RUNX1T1: variants seen among roughly 807,000 people sequenced by gnomAD.
RUNX1T1 encodes protein CBFA2T1.
RUNX1T1 carries 4 observed loss-of-function variants against 62.8 expected under a neutral mutation model. The ratio of observed to expected loss-of-function variants is 0.06; its 90% CI spans 0.03 to 0.15. The LOEUF is 0.15. Among genes scored for constraint, RUNX1T1 ranks in the 10% least tolerant of loss-of-function variants. The pLI is 1.00. For synonymous variants in RUNX1T1, 291 were observed against 286.0 expected, an observed-to-expected ratio of 1.02 and a Z score of -0.18; for missense variants, 508 against 754.3, an observed-to-expected ratio of 0.67 and a Z score of 3.82.
intron 5 of RUNX1T1, among the ~76,000 whole-genome samples, chr8:92,002,378 G>C (rs1819928006): frequency 6.6e-6 from 1 of 151,832 alleles, no homozygotes; most frequent in Non-Finnish European, 1.5e-5. Context: ...CTTCCCTAGA[G>C]TACTCATTTC....
At chr8:92,102,934 C>G (rs1838108842), upstream of RUNX1T1, 1 of 1,505,598 alleles carries the variant, frequency 6.6e-7, no homozygotes, top group East Asian at 2.7e-5. This position sits in a 1 kb window ranked among gnomAD's most constrained non-coding sequence, Gnocchi z 4.5. Context: ...TCTCGGCCGG[C>G]CCGCGGGGCG....
intron 1 of RUNX1T1, among the ~76,000 whole-genome samples, chr8:92,022,686 T>C (rs1214804143): frequency 1.3e-5 from 2 of 152,144 alleles, no homozygotes; most frequent in Non-Finnish European, 2.9e-5. Flanking sequence ...TTTCCCAGCC[T>C]CCAGAAGTAT....
chr8:91,967,038 A>T (rs1811780980), intron 10 of RUNX1T1, among the ~76,000 whole-genome samples: 1 of 152,226 alleles, frequency 6.6e-6, no homozygotes, highest in Admixed American at 6.5e-5. Context: ...TGACCATGAG[A>T]CACTGAGCAA....
intron 5 of RUNX1T1, among the ~76,000 whole-genome samples, chr8:91,999,286 A>G (rs1819310310): frequency 6.6e-6 from 1 of 152,196 alleles, no homozygotes; most frequent in African/African-American, 2.4e-5. Context: ...ATAAGGACAG[A>G]GGTTTTGGAG....
intron 1 of RUNX1T1, among the ~76,000 whole-genome samples, chr8:92,078,557 T>C (rs553686563): frequency 6.6e-6 from 1 of 152,246 alleles, no homozygotes; most frequent in African/African-American, 2.4e-5. Flanking sequence ...ACAAGTGTTA[T>C]TTAAAAGGCT....
intron 4 of RUNX1T1, chr8:92,010,095 T>C (rs1821638712): frequency 6.6e-6 from 1 of 152,156 alleles, no homozygotes; most frequent in Admixed American, 6.5e-5. Context: ...ATCTGATCAG[T>C]TATATTTCTG....
chr8:92,079,813 G>A (rs1195641710), intron 1 of RUNX1T1, among the ~76,000 whole-genome samples: 1 of 152,080 alleles, frequency 6.6e-6, no homozygotes, highest in Non-Finnish European at 1.5e-5. Context: ...TAAACTCCCT[G>A]ATGGAACACT....
chr8:91,961,066 CTA>C (rs1201325643), intron 10 of RUNX1T1, among the ~76,000 whole-genome samples: 3 of 152,208 alleles, frequency 2.0e-5, no homozygotes, highest in Non-Finnish European at 4.4e-5. Flanking sequence ...TTTAACCTCT[CTA>C]TGTCTTTAGT....
chr8:92,059,116 A>G (rs1831496988), intron 1 of RUNX1T1, among the ~76,000 whole-genome samples: 1 of 152,198 alleles, frequency 6.6e-6, no homozygotes. Context: ...TTTCTGCTAC[A>G]AAAAAGTAAT....
intron 1 of RUNX1T1, among the ~76,000 whole-genome samples, chr8:92,045,810 A>G (rs564507102): frequency 6.6e-6 from 1 of 152,312 alleles, no homozygotes; most frequent in South Asian, 2.1e-4. Flanking sequence ...AGTCGTTCCC[A>G]GAATCAGTAC....
rs527488285 is a variant in RUNX1T1, at chr8:92,095,462, G to C, written c.-86+4118C>G. On this transcript the variant is annotated intron_variant, in intron 1 of 11. Transcript: ENST00000265814. ...CAGAAGTAAAAGCCTTGTCAGGATG[G>C]CACATTGTGTGTGAGTGAGTGTGTG... 10 of 1,534,732 alleles carry C rather than the reference G, an allele frequency of 6.5e-6. No homozygotes were observed. In the African/African-American group the frequency reaches 1.1e-4, roughly 17 times the overall value.
intron 5 of RUNX1T1, among the ~76,000 whole-genome samples, chr8:91,995,497 T>C (rs560031176): frequency 6.6e-6 from 1 of 152,158 alleles, no homozygotes; most frequent in Non-Finnish European, 1.5e-5. Flanking sequence ...TTGTGAAACA[T>C]TAACACTTGC....
chr8:91,990,759 G>A (rs1377876972), intron 6 of RUNX1T1, among the ~76,000 whole-genome samples: 1 of 151,772 alleles, frequency 6.6e-6, no homozygotes, highest in East Asian at 1.9e-4. Flanking sequence ...CTGGGCTCAA[G>A]CGATCCTCCT....
intron 4 of RUNX1T1, chr8:92,005,708 T>C (rs1309799752): frequency 6.4e-6 from 1 of 155,168 alleles, no homozygotes; most frequent in African/African-American, 2.4e-5. Flanking sequence ...ATAGTTTCCC[T>C]GACACACTCA....
At chr8:92,061,418 TA>T (rs2130593729) in intron 1 of RUNX1T1, among the ~76,000 whole-genome samples, 1 of 152,320 alleles carries the variant, frequency 6.6e-6, no homozygotes, top group African/African-American at 2.4e-5. Flanking sequence ...CTTAAAGAGT[TA>T]AAATGACCTT....
chr8:92,076,421 A>T (rs1473683219), intron 1 of RUNX1T1, among the ~76,000 whole-genome samples: 3 of 152,164 alleles, frequency 2.0e-5, no homozygotes, highest in Non-Finnish European at 4.4e-5. Flanking sequence ...GGTTTTAAAG[A>T]TATGCACATC....
rs186454184 is a variant in RUNX1T1, at chr8:91,976,327, T to C, written c.1199-354A>G. Among the ~76,000 whole-genome samples the C allele has an allele frequency of 2.2e-3, 332 of 152,334 alleles. 1 individual carries two copies. The highest frequency in any genetic ancestry group is 6.3e-4 in the Non-Finnish European group (43 of 68,028). On this transcript the variant is annotated intron_variant, in intron 8 of 10. Transcript: ENST00000396218. ...GGAATATAAATTGTATTTGGTAGTTTTCCTTTCATGAGTCAAACTGGTGGT... is the reference window on the plus strand; with the variant it reads ...GGAATATAAATTGTATTTGGTAGTTCTCCTTTCATGAGTCAAACTGGTGGT...
chr8:92,072,902 A>C (rs1046507317), intron 2 of RUNX1T1, among the ~76,000 whole-genome samples: 2 of 152,214 alleles, frequency 1.3e-5, no homozygotes, highest in African/African-American at 4.8e-5. Flanking sequence ...TTTTAAAAAT[A>C]CCTCTTTTTC....
At chr8:92,058,638 C>T (rs182183594) in intron 1 of RUNX1T1, among the ~76,000 whole-genome samples, 134 of 152,304 alleles carry the variant, frequency 8.8e-4, no homozygotes, top group African/African-American at 2.9e-3. Context: ...TCTCTAGGAG[C>T]CTCAGTTTCA....
Sources: allele counts gnomAD v4.1 joint callset (sites outside exome capture counted in the v4.1 genomes callset), GRCh38; gene constraint gnomAD v4.1.1; non-coding constraint Gnocchi (gnomAD v3.1); transcripts MANE v1.5; gene names NCBI Gene and HGNC (gene_info 2026-07-23, HGNC 2026-07-21).